Variants in NODAL observed in about 807,000 individuals in gnomAD.
NODAL encodes the protein nodal growth differentiation factor.
NODAL carries 12 observed loss-of-function variants against 34.0 expected under a neutral mutation model. The observed-to-expected ratio is 0.35, with a 90% CI of 0.23 to 0.57. The LOEUF (loss-of-function observed/expected upper bound fraction) is 0.57, where lower values mean the gene tolerates loss of function less well. Among genes scored for constraint, NODAL ranks in the 20% least tolerant of loss-of-function variants. NODAL has a pLI of 0.83. For missense variants in NODAL, 390 were observed against 444.2 expected (o/e 0.88, Z 1.10); for synonymous variants, 162 against 186.4 (o/e 0.87, Z 1.07).
Position 70,435,358 on chromosome 10 carries a change from G to C in NODAL, c.819C>G (p.Ala273=), listed in dbSNP as rs749265748. 25 of 1,614,092 alleles carry C rather than the reference G, an allele frequency of 1.5e-5. 1 individual carries two copies. In the South Asian group the frequency reaches 2.6e-4, roughly 17 times the overall value. ...TAGGACACTCGCCCTCACAGCGATA[G>C]GCGTTGTACTGCTTGGGGTAGATGA... The part of the protein sequence containing the change: ...SWIIYPKQYN[A]YRCEGECPNP... Residue 273 remains alanine, a synonymous_variant, in exon 2 of 3, where the codon GCC becomes GCG. Coordinates refer to ENST00000287139, the MANE Select transcript of NODAL (RefSeq NM_018055.5).
intron 1 of NODAL, among the ~76,000 whole-genome samples, chr10:70,440,803 C>A (rs149107061): frequency 6.6e-6 from 1 of 152,334 alleles, no homozygotes; most frequent in Non-Finnish European, 1.5e-5. Flanking sequence ...GCTGGAGGAC[C>A]CAAGGCTGCC....
At chr10:70,444,446 C>T (rs188648400), upstream of NODAL, among the ~76,000 whole-genome samples, 361 of 152,022 alleles carry the variant, frequency 2.4e-3, 1 homozygote, top group African/African-American at 8.2e-3. Context: ...TCTCCTGCCT[C>T]AGTAGCTGTA....
Sources: allele counts gnomAD v4.1 joint callset (sites outside exome capture counted in the v4.1 genomes callset), GRCh38; gene constraint gnomAD v4.1.1; transcripts MANE v1.5; gene names NCBI Gene and HGNC (gene_info 2026-07-23, HGNC 2026-07-21).